CDH20: variants seen among roughly 807,000 people sequenced by gnomAD.
CDH20 encodes cadherin-20.
CDH20 carries 29 observed loss-of-function variants against 74.2 expected under a neutral mutation model. The ratio of observed to expected loss-of-function variants is 0.39; its 90% CI spans 0.29 to 0.53. CDH20 has a LOEUF of 0.53. Among genes scored for constraint, CDH20 ranks in the 20% least tolerant of loss-of-function variants. The pLI is 0.69. For missense variants in CDH20, 988 were observed against 1,048.3 expected (o/e 0.94, Z 0.79); for synonymous variants, 469 against 405.4 (o/e 1.16, Z -1.88).
In CDH20 at chr18:61,385,535, C is replaced by A. The variant is rs376423956; in HGVS notation, c.-153+51708C>A. On this transcript the variant is annotated intron_variant, in intron 1 of 11. Transcript: ENST00000262717. ...ATGTAATATCAACGAACATAATGGA[C>A]CATACCTCAAGGAAAAAAAATGAAA... Among the ~76,000 whole-genome samples, 16 of 146,146 alleles carry A rather than the reference C, an allele frequency of 1.1e-4. No homozygotes were observed. In the East Asian group the frequency reaches 1.6e-3, roughly 15 times the overall value.
At chr18:61,494,153 G>T (rs959393556) in intron 2 of CDH20, among the ~76,000 whole-genome samples, 1 of 152,172 alleles carries the variant, frequency 6.6e-6, no homozygotes, top group Non-Finnish European at 1.5e-5. Flanking sequence ...TAGCAGGGAA[G>T]CCCAGACTGA....
intron 1 of CDH20, among the ~76,000 whole-genome samples, chr18:61,384,015 C>A (rs1360399892): frequency 1.3e-5 from 2 of 152,190 alleles, no homozygotes; most frequent in Non-Finnish European, 2.9e-5. Flanking sequence ...CACCTTTCTT[C>A]TCTTTTCTGA....
chr18:61,527,928 C>T (rs922670958), intron 6 of CDH20, 39 bp from the exon 7 acceptor site: 3 of 1,608,390 alleles, frequency 1.9e-6, no homozygotes, highest in African/African-American at 1.3e-5. Context: ...GAATCTTGAA[C>T]CTCAGTGGCG....
At chr18:61,473,102 A>G (rs2144385717) in intron 1 of CDH20, among the ~76,000 whole-genome samples, 1 of 152,364 alleles carries the variant, frequency 6.6e-6, no homozygotes, top group East Asian at 1.9e-4. Context: ...CATAGGGCAT[A>G]CTTTATTATG....
In CDH20 at chr18:61,554,848, TGGGTAGA is replaced by T; in HGVS notation, c.*154_*160del. On this transcript the variant is annotated 3_prime_UTR_variant, in exon 12 of 12. Coordinates refer to ENST00000262717, the MANE Select transcript of CDH20 (RefSeq NM_031891.4). ...GAGCTCTCTCTGGATCAGCTTTACT[TGGGTAGA>T]TTAAGTTAAATAAGCAAAAGGAAAC... The T allele has an allele frequency of 7.1e-7, 1 of 1,413,264 alleles. No homozygotes were observed. Among genetic ancestry groups the T allele is most frequent in the Non-Finnish European group, 9.2e-7 (1 of 1,086,842 alleles). The allele number at this position is 1,413,264 out of a possible 1,614,324, so 87.5% of individuals were successfully genotyped here.
intron 1 of CDH20, among the ~76,000 whole-genome samples, chr18:61,350,063 T>C (rs960497294): frequency 2.6e-5 from 4 of 152,096 alleles, no homozygotes; most frequent in African/African-American, 9.7e-5. Context: ...AATCTGAAAC[T>C]AGATTCCAGG....
intron 1 of CDH20, among the ~76,000 whole-genome samples, chr18:61,457,310 C>A (rs1909605910): frequency 6.6e-6 from 1 of 152,076 alleles, no homozygotes; most frequent in Admixed American, 6.6e-5. Context: ...TCATACCCAG[C>A]ATTTATTTAG....
intron 1 of CDH20, among the ~76,000 whole-genome samples, chr18:61,412,065 A>T (rs1295677937): frequency 2.0e-5 from 3 of 152,086 alleles, no homozygotes; most frequent in South Asian, 2.1e-4. Context: ...TATGGCAAAA[A>T]AAAAGCACTA....
chr18:61,348,561 T>C (rs1186790558), intron 1 of CDH20, among the ~76,000 whole-genome samples: 1 of 152,184 alleles, frequency 6.6e-6, no homozygotes, highest in Non-Finnish European at 1.5e-5. Context: ...CCCAGGGCTT[T>C]ACAACACCCC....
At chr18:61,334,562 G>C (rs1432211235) in intron 1 of CDH20, among the ~76,000 whole-genome samples, 1 of 152,140 alleles carries the variant, frequency 6.6e-6, no homozygotes, top group African/African-American at 2.4e-5. Context: ...GGGTCAAATG[G>C]GGCTAAAGTT....
intron 1 of CDH20, among the ~76,000 whole-genome samples, chr18:61,467,985 G>A (rs950941547): frequency 2.6e-5 from 4 of 152,192 alleles, no homozygotes; most frequent in Admixed American, 6.5e-5. Context: ...TTTTACAGGT[G>A]TGGACTCGGA....
At chr18:61,482,113 T>C (rs959806491) in intron 1 of CDH20, among the ~76,000 whole-genome samples, 1 of 151,944 alleles carries the variant, frequency 6.6e-6, no homozygotes. Context: ...ACAGGGAAGC[T>C]GGATTCAGAG....
chr18:61,444,256 G>T (rs1909125413), intron 1 of CDH20, among the ~76,000 whole-genome samples: 1 of 152,110 alleles, frequency 6.6e-6, no homozygotes, highest in Non-Finnish European at 1.5e-5. Context: ...CTCAGTAAAT[G>T]TCAGATGAAT....
At chr18:61,520,580 C>A (rs1428594492) in intron 6 of CDH20, among the ~76,000 whole-genome samples, 1 of 139,970 alleles carries the variant, frequency 7.1e-6, no homozygotes, top group Admixed American at 7.3e-5. Context: ...AGCTCTGGAC[C>A]AAGCAGACCT....
At chr18:61,543,660 C>G (rs941031817) in intron 9 of CDH20, among the ~76,000 whole-genome samples, 1 of 152,178 alleles carries the variant, frequency 6.6e-6, no homozygotes, top group Admixed American at 6.5e-5. Flanking sequence ...CTTGTCTGTT[C>G]TGCATTTCTA....
At chr18:61,509,703 G>A (rs1373369095) in intron 6 of CDH20, among the ~76,000 whole-genome samples, 1 of 152,206 alleles carries the variant, frequency 6.6e-6, no homozygotes, top group African/African-American at 2.4e-5. Context: ...TCAGTAGGCT[G>A]TGTTGAGGTC....
rs1568182067 is a variant in CDH20, at chr18:61,538,590, TTG to T, written c.1409-432_1409-431del. On this transcript the variant is annotated intron_variant, in intron 8 of 11. Coordinates refer to ENST00000262717, the MANE Select transcript of CDH20 (RefSeq NM_031891.4). ...AAGTAAATAACTACTTTTTGTTTGT[TTG>T]TTTGTTTTTGTTTTTGTTTTTGTTT... 2.5e-3 allele frequency among the ~76,000 whole-genome samples: 188 copies of T among 76,324 alleles called. 31 individuals are homozygous for T. Among genetic ancestry groups the T allele is most frequent in the East Asian group, 4.6e-3 (14 of 3,060 alleles). 50.1% of individuals were successfully genotyped at this position (76,324 alleles called of 152,430 possible).
chr18:61,416,018 T>A (rs1912670761), intron 1 of CDH20, among the ~76,000 whole-genome samples: 1 of 150,290 alleles, frequency 6.7e-6, no homozygotes, highest in Non-Finnish European at 1.5e-5. Context: ...CCTAAGATGA[T>A]GTACTAACAC....
In CDH20 at chr18:61,386,849, T is replaced by C. The variant is rs531699443; in HGVS notation, c.-153+53022T>C. Reference sequence around the variant, plus strand: ...TTTATATACAATATGATCTCATGTATCTGTATATTAAGAGAAAAAGATTGA... The same window carrying C: ...TTTATATACAATATGATCTCATGTACCTGTATATTAAGAGAAAAAGATTGA... On this transcript the variant is annotated intron_variant, in intron 1 of 11. Coordinates refer to ENST00000262717, the MANE Select transcript of CDH20 (RefSeq NM_031891.4). Among the ~76,000 whole-genome samples, 320 of 152,332 alleles carry C rather than the reference T, an allele frequency of 2.1e-3. 1 individual carries two copies. The highest frequency in any genetic ancestry group is 0.014 in the Middle Eastern group (4 of 292).
Sources: gnomAD v4.1 joint callset for allele counts (sites outside exome capture counted in the v4.1 genomes callset) on GRCh38, gnomAD v4.1.1 for gene constraint, MANE v1.5 for transcripts, NCBI Gene and HGNC (gene_info 2026-07-23, HGNC 2026-07-21) for gene names.